The following TBC1D23 variants were observed in gnomAD, a reference collection of about 807,000 sequenced individuals.
The protein encoded by TBC1D23 is HCV non-structural protein 4A-transactivated protein 1.
A neutral mutation model predicts 91.4 loss-of-function variants in TBC1D23; 55 were observed. The observed-to-expected ratio is 0.60, with a 90% CI of 0.48 to 0.75. TBC1D23 has a LOEUF of 0.75. TBC1D23 is among the 30% of genes least tolerant of loss of function. TBC1D23 has a pLI of 0.00. For synonymous variants in TBC1D23, 289 were observed against 281.0 expected (o/e 1.03, Z -0.28); for missense variants, 725 against 836.1 (o/e 0.87, Z 1.64).
rs185344685 is a variant in TBC1D23, at chr3:100,323,547, A to G, written c.2019-40A>G. ...TATTTTTATATACATATACATATGT[A>G]TATATATATGTATATATATGTATTT... On this transcript the variant is annotated intron_variant, in intron 18 of 18. Coordinates refer to ENST00000394144, the MANE Select transcript of TBC1D23 (RefSeq NM_001199198.3). 1,809 of 975,274 alleles carry G rather than the reference A, an allele frequency of 1.9e-3. 32 individuals are homozygous for G. In the African/African-American group the frequency reaches 0.028, roughly 15 times the overall value. 60.4% of individuals were successfully genotyped at this position (975,274 alleles called of 1,614,324 possible).
chr3:100,290,827 A>G, intron 5 of TBC1D23, 126 bp downstream of exon 5: 1 of 755,352 alleles, frequency 1.3e-6, no homozygotes, highest in Non-Finnish European at 2.0e-6. Context: ...GTTTAAACCA[A>G]AGGGGTAAAA....
chr3:100,298,335 T>C (rs1559809185), intron 9 of TBC1D23, among the ~76,000 whole-genome samples: 1 of 152,240 alleles, frequency 6.6e-6, no homozygotes, highest in Non-Finnish European at 1.5e-5. Flanking sequence ...GAATGTGGCA[T>C]TGTATAAAAT....
At chr3:100,318,894 C>G (rs1044824522) in intron 16 of TBC1D23, among the ~76,000 whole-genome samples, 175 bp from the exon 17 acceptor site, 2 of 152,124 alleles carry the variant, frequency 1.3e-5, no homozygotes, top group African/African-American at 2.4e-5. Context: ...CTCAGGTGAT[C>G]TGCCTGCCTC....
At chr3:100,282,455 G>T (rs760827044) in intron 3 of TBC1D23, among the ~76,000 whole-genome samples, 1 of 152,168 alleles carries the variant, frequency 6.6e-6, no homozygotes, top group Non-Finnish European at 1.5e-5. Flanking sequence ...AGCCCTCAAA[G>T]GGGAGCTTTG....
At chr3:100,309,610 C>CTTTTTTTTTTTTTTTTTTTTTTT (rs71132518) in intron 13 of TBC1D23, among the ~76,000 whole-genome samples, 1 of 116,124 alleles carries the variant, frequency 8.6e-6, no homozygotes, top group Admixed American at 9.4e-5. Flanking sequence ...ATTCTACCTT[C>CTTTTTTTTTTTTTTTTTTTTTTT]TTTTTTTTTT....
chr3:100,271,401 A>G (rs1236610409), intron 1 of TBC1D23, among the ~76,000 whole-genome samples: 6 of 152,214 alleles, frequency 3.9e-5, no homozygotes, highest in African/African-American at 1.4e-4. Context: ...ATGTTTTCTC[A>G]GAAGAAAGAG....
At chr3:100,263,007 C>T (rs922933436) in intron 1 of TBC1D23, among the ~76,000 whole-genome samples, 1 of 152,182 alleles carries the variant, frequency 6.6e-6, no homozygotes, top group African/African-American at 2.4e-5. Flanking sequence ...GAGTAACTTT[C>T]ATGCGCGTCC....
intron 1 of TBC1D23, among the ~76,000 whole-genome samples, chr3:100,268,453 T>C (rs533968016): frequency 5.3e-5 from 8 of 152,330 alleles, no homozygotes; most frequent in Non-Finnish European, 1.0e-4. Context: ...ATTGGCATAG[T>C]ACCCTTGAGA....
At chr3:100,281,338 AAAAAC>A (rs1442885517) in intron 2 of TBC1D23, among the ~76,000 whole-genome samples, 1 of 152,206 alleles carries the variant, frequency 6.6e-6, no homozygotes, top group Non-Finnish European at 1.5e-5. Flanking sequence ...ACATTTTAAA[AAAAAC>A]CTTACAAAAC....
intron 1 of TBC1D23, among the ~76,000 whole-genome samples, chr3:100,273,401 T>G (rs1371056048): frequency 1.3e-5 from 2 of 152,262 alleles, no homozygotes; most frequent in Non-Finnish European, 2.9e-5. Flanking sequence ...TACTTCTTTC[T>G]ACACAGACAC....
chr3:100,270,817 C>G (rs1335150141), intron 1 of TBC1D23, among the ~76,000 whole-genome samples: 1 of 151,842 alleles, frequency 6.6e-6, no homozygotes, highest in Non-Finnish European at 1.5e-5. Flanking sequence ...TTTAAGAAAA[C>G]AATAATAAAT....
chr3:100,301,395 AGTT>A (rs1218338076), intron 10 of TBC1D23, among the ~76,000 whole-genome samples: 14 of 152,180 alleles, frequency 9.2e-5, no homozygotes, highest in Admixed American at 9.2e-4. Flanking sequence ...AGTGAAAAAT[AGTT>A]GTGATTACCG....
At chr3:100,288,036 G>GT in intron 4 of TBC1D23, among the ~76,000 whole-genome samples, 1 of 151,984 alleles carries the variant, frequency 6.6e-6, no homozygotes, top group East Asian at 1.9e-4. Context: ...GACCCCAGGA[G>GT]TTTGAGACCA....
chr3:100,315,654 T>C (rs1240365075), intron 15 of TBC1D23, among the ~76,000 whole-genome samples: 1 of 152,204 alleles, frequency 6.6e-6, no homozygotes, highest in East Asian at 1.9e-4. Flanking sequence ...CTAACAGACA[T>C]GAAGGTAGCA....
chr3:100,310,801 A>C (rs1429934854), intron 14 of TBC1D23, among the ~76,000 whole-genome samples: 4 of 152,238 alleles, frequency 2.6e-5, no homozygotes, highest in African/African-American at 7.2e-5. Context: ...TTTATGTCCC[A>C]GTATGTATCA....
Position 100,295,298 on chromosome 3 carries a change from A to G in TBC1D23, c.726-4A>G, listed in dbSNP as rs755825825. On this transcript the variant is annotated splice_region_variant and splice_polypyrimidine_tract_variant and intron_variant, in intron 6 of 18. Coordinates refer to ENST00000394144, the MANE Select transcript of TBC1D23 (RefSeq NM_001199198.3). ...ACTCAAATTGATTTGATTCCCTTTT[A>G]CAGAGAAGTTATTTTAACACAAGAG... The G allele has an allele frequency of 1.7e-5, 27 of 1,609,978 alleles. No homozygotes were observed. Among genetic ancestry groups the G allele is most frequent in the Middle Eastern group, 3.4e-4 (2 of 5,964 alleles).
chr3:100,288,094 A>G (rs957376530), intron 4 of TBC1D23, among the ~76,000 whole-genome samples: 18 of 152,014 alleles, frequency 1.2e-4, no homozygotes, highest in South Asian at 4.2e-4. Flanking sequence ...AAATTTTTTT[A>G]ATTAGCCAGG....
intron 1 of TBC1D23, 88 bp downstream of exon 1, chr3:100,261,159 G>C (rs550953355): frequency 6.7e-6 from 9 of 1,353,380 alleles, no homozygotes; most frequent in Non-Finnish European, 8.4e-6. Context: ...TCTGGCGTCG[G>C]CATGGAACGG....
chr3:100,306,073 A>G (rs1705511880), intron 12 of TBC1D23, among the ~76,000 whole-genome samples: 1 of 152,226 alleles, frequency 6.6e-6, no homozygotes, highest in African/African-American at 2.4e-5. Flanking sequence ...TTATGGTATA[A>G]CAAAAGTCAC....
Sources: allele counts gnomAD v4.1 joint callset (sites outside exome capture counted in the v4.1 genomes callset), GRCh38; gene constraint gnomAD v4.1.1; transcripts MANE v1.5; gene names NCBI Gene and HGNC (gene_info 2026-07-23, HGNC 2026-07-21).